Variants in ADCY8 observed in about 807,000 individuals in gnomAD.
ADCY8 encodes the protein adenylate cyclase 8, also known as adenylate cyclase type 8.
ADCY8 carries 51 observed loss-of-function variants against 119.7 expected under a neutral mutation model. The observed-to-expected ratio is 0.43, with a 90% CI of 0.34 to 0.54. ADCY8 has a LOEUF of 0.54. Among genes scored for constraint, ADCY8 ranks in the 20% least tolerant of loss-of-function variants. The pLI, the probability that ADCY8 is intolerant of heterozygous loss-of-function variation, is 0.03. For missense variants in ADCY8, 1,383 were observed against 1,598.8 expected (o/e 0.87, Z 2.30); for synonymous variants, 665 against 651.0 (o/e 1.02, Z -0.33).
chr8:130,853,014 C>A (rs1013911616), intron 9 of ADCY8, among the ~76,000 whole-genome samples: 7 of 152,220 alleles, frequency 4.6e-5, no homozygotes, highest in African/African-American at 1.7e-4. Context: ...AAGACTTCCA[C>A]CTACATGCCC....
intron 17 of ADCY8, among the ~76,000 whole-genome samples, chr8:130,782,698 C>T (rs985152316): frequency 2.6e-5 from 4 of 152,184 alleles, no homozygotes; most frequent in Non-Finnish European, 2.9e-5. Context: ...TGGGAACAAG[C>T]GCTGAACATC....
intron 3 of ADCY8, among the ~76,000 whole-genome samples, chr8:130,948,454 C>T (rs777561041): frequency 1.2e-4 from 18 of 152,148 alleles, no homozygotes; most frequent in Non-Finnish European, 2.2e-4. Context: ...GAAACGGAGG[C>T]CCACAGGGAT....
At chr8:130,839,981 C>A (rs1356442007) in intron 11 of ADCY8, among the ~76,000 whole-genome samples, 1 of 139,940 alleles carries the variant, frequency 7.1e-6, no homozygotes, top group African/African-American at 2.4e-5. Flanking sequence ...AAGACAAGAT[C>A]TTGGCAAATA....
At position 130,884,647 on chromosome 8, in the gene ADCY8, C is replaced by T. The variant is rs751806556; in HGVS notation, c.2026G>A (p.Asp676Asn). The change falls in exon 8 of 18, where the codon GAC (aspartate) becomes AAC (asparagine). Residue 676 changes from aspartate (D) to asparagine (N), a missense_variant. By Grantham distance (23) the Asp-to-Asn change is conservative (BLOSUM62 1). Transcript: ENST00000286355. ...EINKRIEHTI[D>N]LRSGDKLRRE... ...CTCAATTTATCGCCACTCCGCAAGTCGATGGTATGTTCTATTCTCTTGTTA... is the reference window on the plus strand; with the variant it reads ...CTCAATTTATCGCCACTCCGCAAGTTGATGGTATGTTCTATTCTCTTGTTA... 14 of 1,613,708 alleles carry T rather than the reference C, an allele frequency of 8.7e-6. No individual in the cohort carries two copies. Among genetic ancestry groups the T allele is most frequent in the African/African-American group, 2.7e-5 (2 of 74,880 alleles).
intron 5 of ADCY8, among the ~76,000 whole-genome samples, chr8:130,912,020 T>G (rs189915666): frequency 6.6e-6 from 1 of 152,278 alleles, no homozygotes; most frequent in East Asian, 1.9e-4. Context: ...TGTTCCTTCT[T>G]TCCTCTCTGG....
intron 12 of ADCY8, among the ~76,000 whole-genome samples, chr8:130,824,554 G>A (rs999449109): frequency 1.3e-5 from 2 of 152,152 alleles, no homozygotes; most frequent in East Asian, 1.9e-4. Context: ...GCAGGGCCTA[G>A]TAAAAACCCA....
intron 5 of ADCY8, among the ~76,000 whole-genome samples, chr8:130,920,382 T>C (rs756596800): frequency 6.6e-6 from 1 of 152,032 alleles, no homozygotes; most frequent in Non-Finnish European, 1.5e-5. Context: ...AGGATGCTAA[T>C]GGAATATGGC....
chr8:130,910,126 C>T (rs1016317265), intron 5 of ADCY8, among the ~76,000 whole-genome samples: 10 of 151,948 alleles, frequency 6.6e-5, no homozygotes, highest in African/African-American at 1.5e-4. Flanking sequence ...TGAGCCACCA[C>T]GCCCGTCCAC....
chr8:130,793,290 A>G (rs1036962129), intron 15 of ADCY8, among the ~76,000 whole-genome samples: 2 of 152,068 alleles, frequency 1.3e-5, no homozygotes, highest in African/African-American at 4.8e-5. Flanking sequence ...TGGGTGTCCA[A>G]CCATCTCGGT....
chr8:130,996,287 A>G (rs1391605198), intron 1 of ADCY8, among the ~76,000 whole-genome samples: 1 of 152,098 alleles, frequency 6.6e-6, no homozygotes, highest in Non-Finnish European at 1.5e-5. Flanking sequence ...CTTTAATATT[A>G]TTACAATCAA....
intron 9 of ADCY8, among the ~76,000 whole-genome samples, chr8:130,863,025 G>T (rs965407012): frequency 2.2e-4 from 33 of 152,174 alleles, no homozygotes; most frequent in Admixed American, 2.2e-3. Context: ...TATCTCTAAT[G>T]ATTTCCTGCC....
intron 1 of ADCY8, among the ~76,000 whole-genome samples, chr8:131,010,689 C>A (rs964569503): frequency 6.6e-6 from 1 of 152,208 alleles, no homozygotes; most frequent in Non-Finnish European, 1.5e-5. Flanking sequence ...AGATGAGGAT[C>A]TATAGTGTCT....
chr8:130,884,880 A>T, intron 7 of ADCY8, 119 bp from the exon 8 acceptor site: 1 of 1,021,736 alleles, frequency 9.8e-7, no homozygotes, highest in Admixed American at 1.8e-5. Context: ...ATGCAGTTGT[A>T]TTCAGTGAAA....
chr8:130,985,060 G>A (rs1822357271), intron 2 of ADCY8, among the ~76,000 whole-genome samples: 2 of 152,142 alleles, frequency 1.3e-5, no homozygotes, highest in African/African-American at 4.8e-5. Flanking sequence ...AGGGATATGT[G>A]AAGGAAACAG....
chr8:130,922,558 GA>G (rs1820345100), intron 5 of ADCY8, among the ~76,000 whole-genome samples: 1 of 151,986 alleles, frequency 6.6e-6, no homozygotes, highest in African/African-American at 2.4e-5. Flanking sequence ...TCCCAAGGCA[GA>G]AGAATTTTTC....
chr8:130,871,709 A>C (rs1391086483), intron 8 of ADCY8, among the ~76,000 whole-genome samples: 1 of 152,066 alleles, frequency 6.6e-6, no homozygotes, highest in Admixed American at 6.6e-5. Flanking sequence ...AAAAGTGTTG[A>C]CTGATTTTTC....
intron 2 of ADCY8, among the ~76,000 whole-genome samples, chr8:130,983,155 A>G (rs1033129569): frequency 1.3e-5 from 2 of 152,248 alleles, no homozygotes; most frequent in Non-Finnish European, 2.9e-5. Flanking sequence ...GTACTCAACA[A>G]TGGATGGTAA....
chr8:130,888,205 T>C (rs986175458), intron 7 of ADCY8, among the ~76,000 whole-genome samples: 2 of 151,460 alleles, frequency 1.3e-5, no homozygotes, highest in Non-Finnish European at 2.9e-5. Flanking sequence ...TTGACTATAA[T>C]ATAATATATA....
intron 13 of ADCY8, among the ~76,000 whole-genome samples, chr8:130,816,427 CTT>C (rs59803292): frequency 3.3e-5 from 4 of 121,174 alleles, no homozygotes; most frequent in Non-Finnish European, 3.2e-5. Context: ...ATTTTTTTTT[CTT>C]TTTTTTTTTT....
Sources: allele counts gnomAD v4.1 joint callset (sites outside exome capture counted in the v4.1 genomes callset), GRCh38; gene constraint gnomAD v4.1.1; transcripts MANE v1.5; gene names NCBI Gene and HGNC (gene_info 2026-07-23, HGNC 2026-07-21).